XKR6: variants seen among roughly 807,000 people sequenced by gnomAD.
XKR6 encodes XK related 6, also known as XK-related protein 6.
A neutral mutation model predicts 56.7 loss-of-function variants in XKR6; 22 were observed. The observed-to-expected ratio is 0.39, with a 90% confidence interval of 0.28 to 0.55. XKR6 has a LOEUF of 0.55. Among genes scored for constraint, XKR6 ranks in the 20% least tolerant of loss-of-function variants. The pLI is 0.66. For missense variants in XKR6, 852 were observed against 889.0 expected (o/e 0.96, Z 0.53); for synonymous variants, 524 against 387.8 (o/e 1.35, Z -4.13).
chr8:11,025,415 C>T (rs1798838433), intron 1 of XKR6, among the ~76,000 whole-genome samples: 1 of 152,156 alleles, frequency 6.6e-6, no homozygotes, highest in South Asian at 2.1e-4. Context: ...TATTGAATAC[C>T]TGCTAAGGCC....
In XKR6 at chr8:11,200,746, C is replaced by G; in HGVS notation, c.594G>C (p.Gly198=). 2 of 1,595,442 alleles carry G rather than the reference C, an allele frequency of 1.3e-6. No individual in the cohort carries two copies. The highest frequency in any genetic ancestry group is 1.7e-6 in the Non-Finnish European group (2 of 1,173,380). ...TCATGGGGGGGCCCCGGCTGGTGAG[C>G]CCCTCCACGGCGCCCAGCCCGCCGC... is the stretch of plus-strand genomic sequence containing the variant. ...YTGGGLGAVE[G]LTSRGPPMMG... is the part of the protein sequence containing the mutation. Residue 198 remains glycine (G), a synonymous_variant, in exon 1 of 3, where the codon GGG becomes GGC. Coordinates refer to ENST00000416569, the MANE Select transcript of XKR6 (RefSeq NM_173683.4). The surrounding 1 kb of genome is among the most constrained non-coding windows in gnomAD (Gnocchi z 6.4).
intron 1 of XKR6, among the ~76,000 whole-genome samples, chr8:11,014,076 T>A (rs1798558923): frequency 6.6e-6 from 1 of 152,234 alleles, no homozygotes; most frequent in Non-Finnish European, 1.5e-5. Flanking sequence ...TAATCTGTGT[T>A]TAAAGGTCCC....
At chr8:11,156,842 C>CACACAT (rs1347315567) in intron 1 of XKR6, among the ~76,000 whole-genome samples, 1 of 152,074 alleles carries the variant, frequency 6.6e-6, no homozygotes, top group Admixed American at 6.6e-5. Flanking sequence ...TGCACACACA[C>CACACAT]ACACATACAC....
chr8:10,908,071 T>C (rs542183480), intron 2 of XKR6, among the ~76,000 whole-genome samples: 2 of 152,324 alleles, frequency 1.3e-5, no homozygotes, highest in South Asian at 2.1e-4. Flanking sequence ...TGGGAGGATG[T>C]ACACGCCCAC....
At chr8:11,078,069 A>C (rs185195135) in intron 1 of XKR6, among the ~76,000 whole-genome samples, 1 of 152,254 alleles carries the variant, frequency 6.6e-6, no homozygotes, top group East Asian at 1.9e-4. Flanking sequence ...GGCGCTGTTA[A>C]AGCCCTCTGG....
At chr8:11,186,890 G>T (rs372238079) in intron 1 of XKR6, among the ~76,000 whole-genome samples, 2 of 152,046 alleles carry the variant, frequency 1.3e-5, no homozygotes, top group African/African-American at 2.4e-5. Context: ...ACTAACATAC[G>T]CATTGTGGAT....
chr8:10,963,370 C>T (rs1047063083), intron 1 of XKR6, among the ~76,000 whole-genome samples: 4 of 152,200 alleles, frequency 2.6e-5, no homozygotes, highest in African/African-American at 9.6e-5. Flanking sequence ...CTCCCCTTAT[C>T]TGCTGTACTT....
Position 10,896,738 on chromosome 8 carries a change from A to G in XKR6, c.*1214T>C, listed in dbSNP as rs1799893943. On this transcript the variant is annotated 3_prime_UTR_variant, in exon 3 of 3. Transcript: ENST00000416569. ...TTTTTATATATATGTATATATATAT[A>G]TATATTCTAGTTTTCCTCTTTGTGT... 1 of 150,074 alleles carries G rather than the reference A, an allele frequency of 6.7e-6. No individual in the cohort carries two copies. Among genetic ancestry groups the G allele is most frequent in the African/African-American group, 2.5e-5 (1 of 40,468 alleles). The allele number at this position is 150,074 out of a possible 1,614,324, so 9.3% of individuals were successfully genotyped here.
intron 1 of XKR6, among the ~76,000 whole-genome samples, chr8:11,033,118 A>C (rs889808945): frequency 4.8e-4 from 73 of 150,768 alleles, no homozygotes; most frequent in Non-Finnish European, 3.5e-4. Flanking sequence ...GATGAAGATT[A>C]TCACGATGGT....
intron 1 of XKR6, among the ~76,000 whole-genome samples, chr8:11,098,324 A>T (rs2129175120): frequency 6.6e-6 from 1 of 152,196 alleles, no homozygotes; most frequent in South Asian, 2.1e-4. Flanking sequence ...ACTGAGCTGG[A>T]GGCCTGTCAA....
intron 1 of XKR6, among the ~76,000 whole-genome samples, chr8:11,009,190 A>G (rs558946688): frequency 2.6e-5 from 4 of 152,208 alleles, no homozygotes; most frequent in African/African-American, 9.6e-5. Flanking sequence ...TAAGTGGTGC[A>G]TGTCTCTTTC....
At chr8:11,182,862 G>A (rs1306452295) in intron 1 of XKR6, among the ~76,000 whole-genome samples, 1 of 152,136 alleles carries the variant, frequency 6.6e-6, no homozygotes, top group African/African-American at 2.4e-5. Context: ...CATATTAACA[G>A]TAACTCCACG....
At chr8:10,925,553 G>A (rs1245529243) in intron 1 of XKR6, among the ~76,000 whole-genome samples, 1 of 152,208 alleles carries the variant, frequency 6.6e-6, no homozygotes, top group African/African-American at 2.4e-5. Flanking sequence ...CGCCCTCTCA[G>A]GACCACTCCC....
At chr8:11,084,580 G>A (rs1797824466) in intron 1 of XKR6, among the ~76,000 whole-genome samples, 1 of 152,184 alleles carries the variant, frequency 6.6e-6, no homozygotes, top group Non-Finnish European at 1.5e-5. Flanking sequence ...CGATCTTAAT[G>A]ATGAGATTAA....
At chr8:11,144,925 A>AAAGGGAGAGAAGCGAGGAAAG in intron 1 of XKR6, among the ~76,000 whole-genome samples, 1 of 149,898 alleles carries the variant, frequency 6.7e-6, no homozygotes, top group Middle Eastern at 3.4e-3. Flanking sequence ...GGAAAGAAGG[A>AAAGGGAGAGAAGCGAGGAAAG]AAGGGAGAGA....
intron 2 of XKR6, among the ~76,000 whole-genome samples, chr8:10,908,813 T>C (rs1434329191): frequency 1.3e-5 from 2 of 152,136 alleles, no homozygotes; most frequent in Non-Finnish European, 2.9e-5. Context: ...CCTGAATGGA[T>C]TGGTGCAGTT....
chr8:11,152,683 G>A lies in XKR6; in HGVS notation c.764+47893C>T, dbSNP rs1183989986. On this transcript the variant is annotated intron_variant, in intron 1 of 2. Transcript: ENST00000416569. Reference sequence around the variant, plus strand: ...ATCTGTTTGCTTTTGTATAACAAGTGAACAGAACTAAGTAACCCAGAGAAC... The same window carrying A: ...ATCTGTTTGCTTTTGTATAACAAGTAAACAGAACTAAGTAACCCAGAGAAC... 3.3e-5 allele frequency among the ~76,000 whole-genome samples: 5 copies of A among 152,154 alleles called. No homozygotes were observed. In the South Asian group the frequency reaches 1.0e-3, roughly 32 times the overall value.
chr8:11,170,568 A>G (rs1802315097), intron 1 of XKR6, among the ~76,000 whole-genome samples: 1 of 152,234 alleles, frequency 6.6e-6, no homozygotes, highest in African/African-American at 2.4e-5. Context: ...AGTGACTACA[A>G]TGGATGCAGG....
At chr8:10,907,594 A>C (rs914497190) in intron 2 of XKR6, among the ~76,000 whole-genome samples, 3 of 152,252 alleles carry the variant, frequency 2.0e-5, no homozygotes, top group Non-Finnish European at 4.4e-5. Flanking sequence ...AAGCAGTTAA[A>C]AAGTTGTAGA....
Sources: allele counts gnomAD v4.1 joint callset (sites outside exome capture counted in the v4.1 genomes callset), GRCh38; gene constraint gnomAD v4.1.1; non-coding constraint Gnocchi (gnomAD v3.1); transcripts MANE v1.5; gene names NCBI Gene and HGNC (gene_info 2026-07-23, HGNC 2026-07-21).